The following STIL variants were observed in gnomAD, a reference collection of about 807,000 sequenced individuals.
The protein encoded by STIL is STIL centriolar assembly protein, also known as SCL-interrupting locus protein.
In STIL, 55 loss-of-function variants were observed where a neutral mutation model predicts 110.1. The ratio of observed to expected loss-of-function variants is 0.50; its 90% CI spans 0.40 to 0.63. The LOEUF (loss-of-function observed/expected upper bound fraction) is 0.63. Ranked by LOEUF, STIL falls within the 20% of genes least tolerant of loss-of-function variation. The pLI, the probability that STIL is intolerant of heterozygous loss-of-function variation, is 0.00. For missense variants in STIL, 1,358 were observed against 1,530.0 expected (o/e 0.89, Z 1.87); for synonymous variants, 481 against 530.0 (o/e 0.91, Z 1.27).
At chr1:47,302,401 C>T (rs3122606) in intron 3 of STIL, 55 bp from the exon 4 acceptor site, 6 of 1,291,572 alleles carry the variant, frequency 4.6e-6, no homozygotes, top group Non-Finnish European at 5.6e-6. Flanking sequence ...TTAAAAAAAC[C>T]TCCTGCCATA....
intron 6 of STIL, among the ~76,000 whole-genome samples, chr1:47,297,249 G>A (rs991721109): frequency 6.6e-6 from 1 of 152,052 alleles, no homozygotes; most frequent in Non-Finnish European, 1.5e-5. Flanking sequence ...GGCTGAGGCA[G>A]GAGAATCACT....
rs12094830 is a variant in STIL at position 47,271,546 on chromosome 1, G to A, written c.2383+530C>T. On this transcript the variant is annotated intron_variant, in intron 13 of 16. Coordinates refer to ENST00000371877, the MANE Select transcript of STIL (RefSeq NM_001048166.1). ...TGCACTCCAGCCTGTGTGACGGAGT[G>A]AGACTCCGTCTCAAAAAAAAAAAAA... Among the ~76,000 whole-genome samples the A allele has an allele frequency of 8.3e-3, 1,124 of 135,950 alleles. 12 individuals are homozygous for A. The highest frequency in any genetic ancestry group is 0.029 in the African/African-American group (1,054 of 36,864). 89.2% of individuals were successfully genotyped at this position (135,950 alleles called of 152,430 possible).
intron 5 of STIL, 57 bp downstream of exon 5, chr1:47,301,504 C>G: frequency 6.7e-7 from 1 of 1,491,650 alleles, no homozygotes; most frequent in Non-Finnish European, 9.3e-7. Context: ...ATACAGCATA[C>G]TAAACATAGT....
chr1:47,305,154 C>A, intron 2 of STIL, 158 bp from the exon 3 acceptor site: 1 of 593,868 alleles, frequency 1.7e-6, no homozygotes, highest in African/African-American at 1.9e-5. Context: ...GAGACAAAGT[C>A]TCACTCCATC....
Position 47,280,247 on chromosome 1 carries a change from C to G in STIL, c.2211G>C (p.Gln737His). The G allele has an allele frequency of 6.2e-7, 1 of 1,614,152 alleles. No homozygotes were observed. The stretch of plus-strand genomic sequence containing the variant: ...AGGAAAGCACCAAGCAAACCTGTGC[C>G]TGAAGTAGTCTTAGCTGTCTGTCTT... ...TEQDRQLRLLQAQIQRLLEAQ... is the reference protein window; with the variant it reads ...TEQDRQLRLLHAQIQRLLEAQ... The change falls in exon 12 of 17, where the codon CAG becomes CAC. Residue 737 changes from glutamine to histidine, a missense_variant. Coordinates refer to ENST00000371877, the MANE Select transcript of STIL (RefSeq NM_001048166.1).
At chr1:47,274,136 T>A (rs1044915866) in intron 12 of STIL, among the ~76,000 whole-genome samples, 2 of 152,120 alleles carry the variant, frequency 1.3e-5, no homozygotes, top group African/African-American at 4.8e-5. Context: ...AATCTACATA[T>A]AATACTGATC....
intron 12 of STIL, among the ~76,000 whole-genome samples, chr1:47,276,836 A>C (rs1006726169): frequency 2.1e-5 from 3 of 140,704 alleles, no homozygotes; most frequent in African/African-American, 5.5e-5. Context: ...AAAAAAAAAA[A>C]AAACCATCTT....
intron 13 of STIL, among the ~76,000 whole-genome samples, chr1:47,270,693 T>C: frequency 7.6e-6 from 1 of 131,058 alleles, no homozygotes; most frequent in East Asian, 2.0e-4. Flanking sequence ...TTTTTTTTTT[T>C]TTAAGACAGG....
chr1:47,274,420 T>C (rs1644927499), intron 12 of STIL, among the ~76,000 whole-genome samples: 1 of 148,812 alleles, frequency 6.7e-6, no homozygotes, highest in Non-Finnish European at 1.5e-5. Flanking sequence ...AAGCTCCGCC[T>C]CCCGGGTCCA....
At chr1:47,283,294 G>A (rs1015086060) in intron 10 of STIL, 1 of 152,336 alleles carries the variant, frequency 6.6e-6, no homozygotes, top group South Asian at 2.1e-4. Flanking sequence ...CCTAAACCCT[G>A]ATTGTCTGAA....
At chr1:47,279,134 A>T (rs1389458346) in intron 12 of STIL, among the ~76,000 whole-genome samples, 1 of 151,810 alleles carries the variant, frequency 6.6e-6, no homozygotes, top group East Asian at 1.9e-4. Flanking sequence ...CGTCTCTACT[A>T]AAAAAATACA....
intron 12 of STIL, among the ~76,000 whole-genome samples, chr1:47,277,001 C>G (rs962342695): frequency 4.6e-5 from 7 of 152,004 alleles, no homozygotes; most frequent in African/African-American, 1.7e-4. Flanking sequence ...GCCATTTTCA[C>G]TCATTCAAGT....
At chr1:47,266,783 C>T (rs1644667258) in intron 14 of STIL, among the ~76,000 whole-genome samples, 1 of 152,330 alleles carries the variant, frequency 6.6e-6, no homozygotes, top group African/African-American at 2.4e-5. Context: ...TAACATCCTT[C>T]AGTTCTCCAC....
At chr1:47,256,552 C>T (rs969646008) in intron 16 of STIL, among the ~76,000 whole-genome samples, 17 of 143,008 alleles carry the variant, frequency 1.2e-4, no homozygotes, top group African/African-American at 3.4e-4. Context: ...ACCTGGGGGG[C>T]GGAGGTTGCA....
intron 6 of STIL, 27 bp from the exon 7 acceptor site, chr1:47,295,875 T>C (rs564601410): frequency 6.6e-7 from 1 of 1,515,980 alleles, no homozygotes; most frequent in South Asian, 1.1e-5. Flanking sequence ...CATGTGAAAA[T>C]AACTGAAATT....
intron 3 of STIL, among the ~76,000 whole-genome samples, chr1:47,303,524 C>T (rs1455231434): frequency 2.6e-5 from 4 of 152,136 alleles, no homozygotes; most frequent in Admixed American, 1.3e-4. Flanking sequence ...AACATCACGC[C>T]ACTGCACTCC....
At position 47,263,744 on chromosome 1, in the gene STIL, G is replaced by GTTTTTTTTTTTTTT. The variant is rs60915271; in HGVS notation, c.2616-642_2616-629dup. On this transcript the variant is annotated intron_variant, in intron 14 of 16. Coordinates refer to ENST00000371877, the MANE Select transcript of STIL (RefSeq NM_001048166.1). ...TAGGTATGTTATTTGTTCATTCCAA[G>GTTTTTTTTTTTTTT]TTTTTTTTTTTTTTTTTTTTTTTTT... Among the ~76,000 whole-genome samples, 8 of 98,308 alleles carry GTTTTTTTTTTTTTT rather than the reference G, an allele frequency of 8.1e-5. 1 individual carries two copies. Among genetic ancestry groups the GTTTTTTTTTTTTTT allele is most frequent in the South Asian group, 3.5e-4 (1 of 2,852 alleles). The allele number at this position is 98,308 out of a possible 152,430, so 64.5% of individuals were successfully genotyped here.
At position 47,281,086 on chromosome 1, in the gene STIL, G is replaced by C. The variant is rs1382338055; in HGVS notation, c.1372C>G (p.His458Asp). The change falls in exon 12 of 17, where the codon CAC becomes GAC. Residue 458 changes from histidine (H) to aspartate (D), a missense_variant. Coordinates refer to ENST00000371877, the MANE Select transcript of STIL (RefSeq NM_001048166.1). The part of the protein sequence containing the change: ...VNNENPPLIN[H>D]LEHLKPLQPQ... The stretch of plus-strand genomic sequence containing the variant: ...TGCAATGGCTTCAAGTGTTCCAAGT[G>C]GTTAATCAAAGGAGGATTTTCATTA... 1.2e-6 allele frequency: 2 copies of C among 1,614,096 alleles called. No homozygotes were observed. Among genetic ancestry groups the C allele is most frequent in the Non-Finnish European group, 1.7e-6 (2 of 1,180,014 alleles).
At chr1:47,259,190 G>A (rs1296835669) in intron 16 of STIL, among the ~76,000 whole-genome samples, 1 of 148,306 alleles carries the variant, frequency 6.7e-6, no homozygotes, top group Non-Finnish European at 1.5e-5. Context: ...GTTTCACCGT[G>A]TTAGCCAGAA....
Sources: allele counts gnomAD v4.1 joint callset (sites outside exome capture counted in the v4.1 genomes callset), GRCh38; gene constraint gnomAD v4.1.1; transcripts MANE v1.5; gene names NCBI Gene and HGNC (gene_info 2026-07-23, HGNC 2026-07-21).